SV2C: variants seen among roughly 807,000 people sequenced by gnomAD.
SV2C encodes synaptic vesicle glycoprotein 2C.
SV2C carries 49 observed loss-of-function variants against 79.7 expected under a neutral mutation model. The ratio of observed to expected loss-of-function variants is 0.61; its 90% CI spans 0.49 to 0.78. SV2C has a LOEUF of 0.78. SV2C is among the 30% of genes least tolerant of loss of function. SV2C has a pLI of 0.00. For synonymous variants in SV2C, 334 were observed against 333.2 expected (o/e 1.00, Z -0.03); for missense variants, 833 against 912.9 (o/e 0.91, Z 1.13).
chr5:76,046,532 C>T, the SV2C span, among the ~76,000 whole-genome samples: 1 of 152,320 alleles, frequency 6.6e-6, no homozygotes, highest in Non-Finnish European at 1.5e-5. Context: ...AAAGGTCTTA[C>T]TATCTCAAAC....
At chr5:75,901,934 C>G in the SV2C span, among the ~76,000 whole-genome samples, 1 of 150,252 alleles carries the variant, frequency 6.7e-6, no homozygotes, top group Non-Finnish European at 1.5e-5. Flanking sequence ...TTTTTAAGCC[C>G]GTCAGAAAAG....
At chr5:76,117,068 C>T (rs6453201) in intron 1 of SV2C, among the ~76,000 whole-genome samples, 7,202 of 152,182 alleles carry the variant, frequency 0.047, 526 homozygotes, top group African/African-American at 0.16. Flanking sequence ...AAGTCTGTCC[C>T]TTATTTGTAG....
chr5:75,980,099 A>T, the SV2C span, among the ~76,000 whole-genome samples: 1 of 152,222 alleles, frequency 6.6e-6, no homozygotes, highest in Non-Finnish European at 1.5e-5. Flanking sequence ...ATCTATGCAC[A>T]TAAACGAGAA....
chr5:76,127,679 C>G (rs961787356), intron 1 of SV2C, among the ~76,000 whole-genome samples: 7 of 152,200 alleles, frequency 4.6e-5, no homozygotes, highest in Non-Finnish European at 1.0e-4. Flanking sequence ...CCAGCACCTT[C>G]AGAGGATTGC....
chr5:76,168,746 C>A (rs1216099697), intron 2 of SV2C, among the ~76,000 whole-genome samples: 1 of 152,220 alleles, frequency 6.6e-6, no homozygotes, highest in Non-Finnish European at 1.5e-5. Flanking sequence ...AAACCACCTT[C>A]CTTTTGGGAG....
chr5:75,910,244 C>A, the SV2C span: 1 of 440,078 alleles, frequency 2.3e-6, no homozygotes, highest in Non-Finnish European at 4.4e-6. Context: ...GCCTGGGCAA[C>A]ATGGCGAAAC....
At chr5:76,272,227 T>C (rs578034606) in intron 4 of SV2C, among the ~76,000 whole-genome samples, 7 of 152,190 alleles carry the variant, frequency 4.6e-5, no homozygotes, top group Middle Eastern at 6.8e-3. Flanking sequence ...ATGCTGGAAA[T>C]ATTATAGCCC....
At chr5:75,881,356 A>G in the SV2C span, among the ~76,000 whole-genome samples, 6 of 152,192 alleles carry the variant, frequency 3.9e-5, no homozygotes, top group Non-Finnish European at 7.4e-5. Context: ...ATATATAAAG[A>G]CAGTGACTGG....
the SV2C span, among the ~76,000 whole-genome samples, chr5:76,055,618 C>T: frequency 6.6e-6 from 1 of 152,162 alleles, no homozygotes; most frequent in Non-Finnish European, 1.5e-5. Context: ...ATTGATTCTT[C>T]CTATCCATGA....
At chr5:76,335,138 T>G (rs1413078135), downstream of SV2C, among the ~76,000 whole-genome samples, 1 of 152,194 alleles carries the variant, frequency 6.6e-6, no homozygotes, top group East Asian at 1.9e-4. Flanking sequence ...ACATAGAATA[T>G]CCCATCATCA....
chr5:76,002,862 C>T, the SV2C span, among the ~76,000 whole-genome samples: 25 of 116,424 alleles, frequency 2.1e-4, no homozygotes, highest in East Asian at 4.8e-3. Flanking sequence ...TACTTCTGTG[C>T]GTGTGTTTTT....
chr5:76,190,467 G>C (rs982335423), intron 2 of SV2C, among the ~76,000 whole-genome samples: 2 of 152,202 alleles, frequency 1.3e-5, no homozygotes, highest in Non-Finnish European at 2.9e-5. Flanking sequence ...CTGGATTCTT[G>C]CTGAAGACAG....
downstream of SV2C, among the ~76,000 whole-genome samples, chr5:76,336,219 G>A (rs1463406488): frequency 6.6e-6 from 1 of 152,036 alleles, no homozygotes; most frequent in African/African-American, 2.4e-5. Context: ...AGACGGGGTG[G>A]CTGCCGGGCG....
chr5:75,853,607 C>CAAAAAAAAAAAAA, the SV2C span, among the ~76,000 whole-genome samples: 3 of 28,466 alleles, frequency 1.1e-4, no homozygotes, highest in African/African-American at 3.2e-4. Flanking sequence ...GACTCCGTCT[C>CAAAAAAAAAAAAA]AAAAAAAAAA....
At chr5:76,051,154 C>T in the SV2C span, among the ~76,000 whole-genome samples, 4 of 151,922 alleles carry the variant, frequency 2.6e-5, no homozygotes, top group Non-Finnish European at 5.9e-5. Flanking sequence ...GTAAAATATT[C>T]ACAGAAAATG....
At chr5:75,967,894 C>A in the SV2C span, among the ~76,000 whole-genome samples, 1 of 152,108 alleles carries the variant, frequency 6.6e-6, no homozygotes, top group South Asian at 2.1e-4. Context: ...CCCTGACCCC[C>A]AAGTAGCCTA....
the SV2C span, among the ~76,000 whole-genome samples, chr5:75,926,527 G>T: frequency 6.6e-6 from 1 of 151,826 alleles, no homozygotes; most frequent in Admixed American, 6.6e-5. Flanking sequence ...AATTTTCTTG[G>T]CTACTACTGA....
the SV2C span, among the ~76,000 whole-genome samples, chr5:75,918,919 G>A: frequency 9.9e-5 from 15 of 152,248 alleles, no homozygotes; most frequent in African/African-American, 3.4e-4. Flanking sequence ...TAGTACGTAT[G>A]TGAAGCGAGC....
At chr5:76,345,389 T>G (rs1749520261) in intron 12 of SV2C, among the ~76,000 whole-genome samples, 1 of 152,170 alleles carries the variant, frequency 6.6e-6, no homozygotes, top group Non-Finnish European at 1.5e-5. Context: ...AGACCCAGCT[T>G]CTCCTCTACC....
Sources: allele counts gnomAD v4.1 joint callset (sites outside exome capture counted in the v4.1 genomes callset), GRCh38; gene constraint gnomAD v4.1.1; transcripts MANE v1.5; gene names NCBI Gene and HGNC (gene_info 2026-07-23, HGNC 2026-07-21).